Variants in KSR1 observed in about 807,000 individuals in gnomAD.
The protein encoded by KSR1 is kinase suppressor of ras 1.
KSR1 carries 35 observed loss-of-function variants against 92.9 expected under a neutral mutation model. That is an observed-to-expected ratio of 0.38 (90% CI 0.29 to 0.50). The LOEUF is 0.50. KSR1 is among the 20% of genes least tolerant of loss of function. The probability of loss-of-function intolerance (pLI) is 0.94; values close to 1 mark genes in which losing one functional copy is unlikely to be tolerated. For synonymous variants in KSR1, 467 were observed against 472.6 expected (o/e 0.99, Z 0.15); for missense variants, 972 against 1,158.5 (o/e 0.84, Z 2.34).
intron 1 of KSR1, among the ~76,000 whole-genome samples, chr17:27,545,569 C>T (rs1390102600): frequency 2.6e-5 from 4 of 152,216 alleles, no homozygotes; most frequent in Admixed American, 2.6e-4. Context: ...GCTGTGCTGG[C>T]TCCTGAGGTC....
Position 27,493,095 on chromosome 17 carries a change from T to C in KSR1, c.231+36221T>C, listed in dbSNP as rs527860153. Among the ~76,000 whole-genome samples, 21 of 152,284 alleles carry C rather than the reference T, an allele frequency of 1.4e-4. No individual in the cohort carries two copies. The South Asian group carries it at 4.1e-3, about 30-fold the overall frequency. Reference sequence around the variant, plus strand: ...TCCTTCATCATTCTGCTGATGATGATCATTTATGGAGCAATTTACTATGTG... The same window carrying C: ...TCCTTCATCATTCTGCTGATGATGACCATTTATGGAGCAATTTACTATGTG... On this transcript the variant is annotated intron_variant, in intron 1 of 20. Transcript: ENST00000644974.
At chr17:27,468,148 G>A (rs1417951320) in intron 1 of KSR1, among the ~76,000 whole-genome samples, 1 of 151,530 alleles carries the variant, frequency 6.6e-6, no homozygotes, top group African/African-American at 2.4e-5. Flanking sequence ...ATCATGGAAA[G>A]GTTTAAACTT....
intron 16 of KSR1, 85 bp from the exon 17 acceptor site, chr17:27,609,982 G>A (rs764829351): frequency 2.2e-5 from 34 of 1,546,734 alleles, no homozygotes; most frequent in East Asian, 4.5e-5. Flanking sequence ...GTGTTCTGCC[G>A]GCCCTGGGGC....
chr17:27,617,825 G>T, intron 19 of KSR1: 1 of 212,306 alleles, frequency 4.7e-6, no homozygotes, highest in Admixed American at 5.3e-5. Flanking sequence ...ACCATGCCTG[G>T]CCTCTGCCCA....
intron 4 of KSR1, chr17:27,583,895 C>A: frequency 1.4e-6 from 1 of 720,244 alleles, no homozygotes; most frequent in Non-Finnish European, 1.7e-6. Context: ...CTCTACCCCA[C>A]CATTTTTATT....
chr17:27,474,451 G>T lies in KSR1; in HGVS notation c.231+17577G>T, dbSNP rs1330845383. ...GCTGTGTAAGAGCACAGGTTCTGGT[G>T]GTTGACAGCCTGGATTCAGGCTGCA... On this transcript the variant is annotated intron_variant, in intron 1 of 20. Coordinates refer to ENST00000644974, the MANE Select transcript of KSR1 (RefSeq NM_001394583.1). Among the ~76,000 whole-genome samples, 6 of 152,298 alleles carry T rather than the reference G, an allele frequency of 3.9e-5. No individual in the cohort carries two copies. The East Asian group carries it at 1.2e-3, about 29-fold the overall frequency.
chr17:27,562,597 G>C (rs2071878192), intron 2 of KSR1, among the ~76,000 whole-genome samples: 1 of 152,202 alleles, frequency 6.6e-6, no homozygotes, highest in South Asian at 2.1e-4. Context: ...GCTTGTGTGT[G>C]TTCCCTCCTC....
chr17:27,604,690 C>A lies in KSR1; in HGVS notation c.1576C>A (p.Gln526Lys). Residue 526 changes from glutamine to lysine, a missense_variant, in exon 13 of 21, where the codon CAG (glutamine) becomes AAG (lysine). Transcript: ENST00000644974. ...CTTGTTTACTCTTAGGCTCGATGAC[C>A]AGCCGAAAGCAGATGTGTTGGAAGC... ...EAADGTRLDD[Q>K]PKADVLEAHE... 4 of 1,614,024 alleles carry A rather than the reference C, an allele frequency of 2.5e-6. No homozygotes were observed. Among genetic ancestry groups the A allele is most frequent in the Non-Finnish European group, 3.4e-6 (4 of 1,179,890 alleles).
chr17:27,584,033 G>A (rs1262397226), intron 4 of KSR1: 2 of 942,014 alleles, frequency 2.1e-6, no homozygotes, highest in Non-Finnish European at 2.5e-6. Context: ...GTCCCTTCTT[G>A]ATGGGCGTTA....
chr17:27,566,556 G>A (rs1444631882), intron 2 of KSR1: 1 of 399,046 alleles, frequency 2.5e-6, no homozygotes, highest in Non-Finnish European at 4.4e-6. Context: ...GAGCCCACCT[G>A]GGCTGGAGGA....
At chr17:27,510,719 G>A (rs898707556) in intron 1 of KSR1, among the ~76,000 whole-genome samples, 2 of 152,194 alleles carry the variant, frequency 1.3e-5, no homozygotes, top group Non-Finnish European at 2.9e-5. Context: ...CAAATGCATG[G>A]GTTGGGGGTA....
At chr17:27,600,359 G>T (rs1001571518) in intron 10 of KSR1, among the ~76,000 whole-genome samples, 5 of 152,090 alleles carry the variant, frequency 3.3e-5, no homozygotes, top group African/African-American at 1.2e-4. Context: ...AGAATCGCTT[G>T]AACCCAGGAA....
chr17:27,615,165 T>C (rs1296759877), intron 18 of KSR1, among the ~76,000 whole-genome samples: 1 of 152,252 alleles, frequency 6.6e-6, no homozygotes, highest in Non-Finnish European at 1.5e-5. Context: ...GTCTATCAGC[T>C]TTTCACTCTG....
chr17:27,457,203 C>T (rs1360516374), intron 1 of KSR1, among the ~76,000 whole-genome samples: 2 of 152,134 alleles, frequency 1.3e-5, no homozygotes, highest in African/African-American at 2.4e-5. Context: ...CGTTGTCCCA[C>T]CGAGTCACAA....
intron 1 of KSR1, among the ~76,000 whole-genome samples, chr17:27,479,242 G>T (rs901103802): frequency 1.4e-5 from 2 of 144,566 alleles, no homozygotes; most frequent in Non-Finnish European, 3.0e-5. Context: ...TCTTCCCTCC[G>T]TCTGTGCTCC....
intron 1 of KSR1, among the ~76,000 whole-genome samples, chr17:27,483,016 G>A (rs1179942930): frequency 6.6e-6 from 1 of 152,038 alleles, no homozygotes; most frequent in Non-Finnish European, 1.5e-5. Flanking sequence ...TGTTATTTTT[G>A]TGCCCACTGC....
chr17:27,473,926 TGA>T (rs2068262389), intron 1 of KSR1, among the ~76,000 whole-genome samples: 1 of 152,132 alleles, frequency 6.6e-6, no homozygotes, highest in East Asian at 1.9e-4. Context: ...TTGACAATTT[TGA>T]GAGTTTTAGG....
intron 4 of KSR1, among the ~76,000 whole-genome samples, chr17:27,584,733 T>C (rs1047218887): frequency 3.9e-5 from 6 of 152,172 alleles, no homozygotes; most frequent in Admixed American, 1.3e-4. Flanking sequence ...GAACCAGCAC[T>C]GACGTGACGC....
At position 27,471,306 on chromosome 17, in the gene KSR1, C is replaced by T. The variant is rs995909507; in HGVS notation, c.231+14432C>T. On this transcript the variant is annotated intron_variant, in intron 1 of 20. Coordinates refer to ENST00000644974, the MANE Select transcript of KSR1 (RefSeq NM_001394583.1). ...AAAGATAATACACATGCCAAACAGA[C>T]AGACGTGCTCTCAGAAGAAAACTGG... 2.6e-5 allele frequency among the ~76,000 whole-genome samples: 4 copies of T among 152,320 alleles called. No homozygotes were observed. The East Asian group carries it at 5.8e-4, about 22-fold the overall frequency.
Sources: allele counts gnomAD v4.1 joint callset (sites outside exome capture counted in the v4.1 genomes callset), GRCh38; gene constraint gnomAD v4.1.1; transcripts MANE v1.5; gene names NCBI Gene and HGNC (gene_info 2026-07-23, HGNC 2026-07-21).